Variants in DBF4 observed in about 807,000 individuals in gnomAD.
DBF4 encodes DBF4-CDC7 kinase regulatory subunit, also known as protein DBF4 homolog A.
In DBF4, 25 loss-of-function variants were observed where a neutral mutation model predicts 76.6. The observed-to-expected ratio is 0.33, with a 90% CI of 0.24 to 0.46. The LOEUF is 0.46. DBF4 is among the 20% of genes least tolerant of loss of function. The pLI, the probability that DBF4 is intolerant of heterozygous loss-of-function variation, is 1.00. For synonymous variants in DBF4, 213 were observed against 258.0 expected (o/e 0.83, Z 1.67); for missense variants, 638 against 760.8 (o/e 0.84, Z 1.90).
chr7:87,898,790 CAAAAAAAAAA>C (rs548418733), intron 8 of DBF4, among the ~76,000 whole-genome samples: 1 of 62,414 alleles, frequency 1.6e-5, no homozygotes, highest in Non-Finnish European at 3.3e-5. Flanking sequence ...GACTCCGTCT[CAAAAAAAAAA>C]AAAAAAAAGA....
At chr7:87,898,790 CAA>C (rs548418733) in intron 8 of DBF4, among the ~76,000 whole-genome samples, 8 of 62,396 alleles carry the variant, frequency 1.3e-4, no homozygotes, top group Non-Finnish European at 1.3e-4. Context: ...GACTCCGTCT[CAA>C]AAAAAAAAAA....
chr7:87,894,833 AT>A (rs369517561), intron 6 of DBF4, among the ~76,000 whole-genome samples: 4 of 151,914 alleles, frequency 2.6e-5, no homozygotes, highest in Non-Finnish European at 5.9e-5. Flanking sequence ...TGCTTTTAAG[AT>A]TTTTTTCTTT....
At position 87,908,720 on chromosome 7, in the gene DBF4, C is replaced by T. The variant is rs1839969013; in HGVS notation, c.*557C>T. 1 of 152,072 alleles carries T rather than the reference C, an allele frequency of 6.6e-6. No individual in the cohort carries two copies. Among genetic ancestry groups the T allele is most frequent in the South Asian group, 2.1e-4 (1 of 4,822 alleles). The allele number at this position is 152,072 out of a possible 1,614,324, so 9.4% of individuals were successfully genotyped here. On this transcript the variant is annotated 3_prime_UTR_variant, in exon 12 of 12. Coordinates refer to ENST00000265728, the MANE Select transcript of DBF4 (RefSeq NM_006716.4). ...TGGAAGCCATGAAGGAAGGACTTAA[C>T]CAGGCTACCAAGTGGAATATAATTT... is the stretch of plus-strand genomic sequence containing the variant.
At chr7:87,891,172 CT>C (rs200764553) in intron 6 of DBF4, among the ~76,000 whole-genome samples, 6,461 of 119,068 alleles carry the variant, frequency 0.054, 186 homozygotes, top group Non-Finnish European at 0.079. Context: ...TTGGGCTTTT[CT>C]TTTTTTTTTT....
At chr7:87,881,552 G>T (rs1172256396) in intron 2 of DBF4, among the ~76,000 whole-genome samples, 1 of 152,204 alleles carries the variant, frequency 6.6e-6, no homozygotes, top group African/African-American at 2.4e-5. Flanking sequence ...TCCAGCTGAG[G>T]AATTGTGGGT....
intron 2 of DBF4, 163 bp downstream of exon 2, chr7:87,878,388 T>C: frequency 3.4e-6 from 2 of 587,564 alleles, no homozygotes; most frequent in Non-Finnish European, 5.7e-6. Flanking sequence ...TGTTTTAACC[T>C]TTTGTGGACT....
In DBF4 at chr7:87,908,366, GT is replaced by G; in HGVS notation, c.*207del. ...ACAGAATAAACTTGTGACTGGTCTT[GT>G]TTTACATTATATATATGTTCGTAAT... On this transcript the variant is annotated 3_prime_UTR_variant, in exon 12 of 12. Transcript: ENST00000265728. 2.4e-6 allele frequency: 1 copy of G among 422,336 alleles called. No individual in the cohort carries two copies. Among genetic ancestry groups the G allele is most frequent in the Non-Finnish European group, 4.0e-6 (1 of 252,282 alleles). The allele number at this position is 422,336 out of a possible 1,614,324, so 26.2% of individuals were successfully genotyped here. A position where few individuals can be genotyped will look rare whatever the true frequency, so the allele number is the denominator to read the frequency against.
Position 87,907,700 on chromosome 7 carries a change from A to G in DBF4, c.1562A>G (p.Lys521Arg), listed in dbSNP as rs1443567337. Residue 521 changes from lysine (K) to arginine (R), a missense_variant, in exon 12 of 12, where the codon AAG becomes AGG. Lys to Arg is a conservative substitution (Grantham distance 26). Coordinates refer to ENST00000265728, the MANE Select transcript of DBF4 (RefSeq NM_006716.4). ...VLFPAKDLKE[K>R]DLHSIFTHDS... is the part of the protein sequence containing the mutation. ...TTTCCAGCAAAGGATCTCAAGGAAAAGGACCTTCATTCAATATTTACTCAT... is the reference window on the plus strand; with the variant it reads ...TTTCCAGCAAAGGATCTCAAGGAAAGGGACCTTCATTCAATATTTACTCAT... The G allele has an allele frequency of 1.2e-6, 2 of 1,614,082 alleles. No individual in the cohort carries two copies. Among genetic ancestry groups the G allele is most frequent in the Admixed American group, 1.7e-5 (1 of 60,026 alleles).
chr7:87,907,655 A>G lies in DBF4; in HGVS notation c.1517A>G (p.Gln506Arg). ...GATAATAGTGGATCTCAACCAAAAC[A>G]GAAGTCAGATACTGTGCTTTTTCCA... is the stretch of plus-strand genomic sequence containing the variant. ...STDNSGSQPK[Q>R]KSDTVLFPAK... The change falls in exon 12 of 12, where the codon CAG becomes CGG. Residue 506 changes from glutamine (Q) to arginine (R), a missense_variant. Gln to Arg is a conservative substitution (Grantham distance 43, BLOSUM62 1). Coordinates refer to ENST00000265728, the MANE Select transcript of DBF4 (RefSeq NM_006716.4). The G allele has an allele frequency of 6.2e-7, 1 of 1,614,078 alleles. No individual in the cohort carries two copies. Among genetic ancestry groups the G allele is most frequent in the South Asian group, 1.1e-5 (1 of 91,076 alleles).
chr7:87,897,957 T>G (rs148409911), intron 8 of DBF4, among the ~76,000 whole-genome samples: 281 of 152,252 alleles, frequency 1.8e-3, no homozygotes, highest in African/African-American at 6.5e-3. Context: ...TTTGTATTTT[T>G]AGTAGAGATG....
At chr7:87,898,343 T>C (rs892290328) in intron 8 of DBF4, among the ~76,000 whole-genome samples, 1 of 152,188 alleles carries the variant, frequency 6.6e-6, no homozygotes, top group Admixed American at 6.5e-5. Context: ...GAAGATATAA[T>C]ATTGTTAAGA....
In DBF4 at chr7:87,907,386, C is replaced by A; in HGVS notation, c.1248C>A (p.Ile416=). The change falls in exon 12 of 12, where the codon ATC becomes ATA. Residue 416 remains isoleucine, a synonymous_variant. Coordinates refer to ENST00000265728, the MANE Select transcript of DBF4 (RefSeq NM_006716.4). ...EKKLLFISEP[I]PHPSNELRGL... is the part of the protein sequence containing the mutation. The stretch of plus-strand genomic sequence containing the variant: ...AGCTCCTGTTTATTTCAGAGCCCAT[C>A]CCCCACCCTTCAAATGAATTGAGAG... 2 of 1,614,002 alleles carry A rather than the reference C, an allele frequency of 1.2e-6. No individual in the cohort carries two copies. The highest frequency in any genetic ancestry group is 1.7e-6 in the Non-Finnish European group (2 of 1,179,936).
chr7:87,894,854 T>G (rs1169992974), intron 6 of DBF4, among the ~76,000 whole-genome samples: 5 of 152,212 alleles, frequency 3.3e-5, no homozygotes, highest in Non-Finnish European at 7.3e-5. Context: ...TATCTTTGGT[T>G]TCAGAAGTTC....
rs934236800 is a variant in DBF4, at chr7:87,908,760, ATTAC to A, written c.*602_*605del. ...GAATATAATTTATCTGCTATTTTTA[ATTAC>A]TTACCTTGTAAATAACTTTAATAAT... On this transcript the variant is annotated 3_prime_UTR_variant, in exon 12 of 12. Transcript: ENST00000265728. 2 of 136,430 alleles carry A rather than the reference ATTAC, an allele frequency of 1.5e-5. No individual in the cohort carries two copies. The highest frequency in any genetic ancestry group is 3.2e-5 in the African/African-American group (1 of 31,390). 8.5% of individuals were successfully genotyped at this position (136,430 alleles called of 1,614,324 possible).
rs748148526 is a variant in DBF4, at chr7:87,876,682, C to T, written c.-51C>T. ...GGGGGAAGCCGTGCTTTCGCGGCTG[C>T]CCGGTGCGACACTTTCTCCGGACCC... On this transcript the variant is annotated 5_prime_UTR_variant, in exon 1 of 12. Transcript: ENST00000265728. The T allele has an allele frequency of 3.7e-6, 6 of 1,607,920 alleles. No individual in the cohort carries two copies. In the South Asian group the frequency reaches 6.6e-5, roughly 18 times the overall value.
chr7:87,886,396 A>G (rs542791710), intron 3 of DBF4, among the ~76,000 whole-genome samples: 3 of 151,906 alleles, frequency 2.0e-5, no homozygotes, highest in African/African-American at 7.3e-5. Context: ...TTAGCCGGGC[A>G]TGATGGTGCG....
chr7:87,879,318 T>C (rs781506761), intron 2 of DBF4, among the ~76,000 whole-genome samples: 3 of 152,232 alleles, frequency 2.0e-5, no homozygotes, highest in African/African-American at 7.2e-5. Flanking sequence ...TAATATATTT[T>C]ATTTACTTAT....
In DBF4 at chr7:87,907,580, A is replaced by G; in HGVS notation, c.1442A>G (p.His481Arg). The G allele has an allele frequency of 6.2e-7, 1 of 1,614,028 alleles. No homozygotes were observed. Among genetic ancestry groups the G allele is most frequent in the Non-Finnish European group, 8.5e-7 (1 of 1,179,940 alleles). Residue 481 changes from histidine (H) to arginine (R), a missense_variant, in exon 12 of 12, where the codon CAC (histidine) becomes CGC (arginine). By Grantham distance (29) the His-to-Arg change is conservative. Transcript: ENST00000265728. ...GACTTAGAAGAACTAAGGGTAGATCACTATAAATGTAACATACAGGCATCT... is the reference window on the plus strand; with the variant it reads ...GACTTAGAAGAACTAAGGGTAGATCGCTATAAATGTAACATACAGGCATCT... ...ENDLEELRVD[H>R]YKCNIQASVH...
intron 2 of DBF4, among the ~76,000 whole-genome samples, chr7:87,883,241 G>A (rs991540477): frequency 6.6e-6 from 1 of 152,112 alleles, no homozygotes; most frequent in Non-Finnish European, 1.5e-5. Context: ...GAGATGGAAA[G>A]TAGAATAAAG....
Sources: allele counts gnomAD v4.1 joint callset (sites outside exome capture counted in the v4.1 genomes callset), GRCh38; gene constraint gnomAD v4.1.1; transcripts MANE v1.5; gene names NCBI Gene and HGNC (gene_info 2026-07-23, HGNC 2026-07-21).